Variants in USP33 observed in about 807,000 individuals in gnomAD.
USP33 encodes ubiquitin carboxyl-terminal hydrolase 33.
In USP33, 46 loss-of-function variants were observed where a neutral mutation model predicts 124.2. That is an observed-to-expected ratio of 0.37 (90% CI 0.29 to 0.47). The LOEUF is 0.47. USP33 is among the 20% of genes least tolerant of loss of function. The probability of loss-of-function intolerance (pLI) is 0.99; values close to 1 mark genes in which losing one functional copy is unlikely to be tolerated. For missense variants in USP33, 851 were observed against 1,070.6 expected (o/e 0.79, Z 2.86); for synonymous variants, 350 against 352.3 (o/e 0.99, Z 0.07).
intron 1 of USP33, among the ~76,000 whole-genome samples, chr1:77,747,331 T>G (rs1257057380): frequency 1.3e-5 from 2 of 149,746 alleles, no homozygotes; most frequent in Non-Finnish European, 3.0e-5. Context: ...CATAGCTCAC[T>G]GCAACCTCCA....
chr1:77,751,584 G>C (rs2101607128), intron 1 of USP33, among the ~76,000 whole-genome samples: 1 of 152,264 alleles, frequency 6.6e-6, no homozygotes, highest in South Asian at 2.1e-4. Flanking sequence ...CTGAGCCCAG[G>C]AGGCAGAAGT....
chr1:77,753,376 C>T (rs1680518893), intron 1 of USP33, among the ~76,000 whole-genome samples: 1 of 151,988 alleles, frequency 6.6e-6, no homozygotes, highest in Non-Finnish European at 1.5e-5. Flanking sequence ...TCGCTTGAGG[C>T]CAAGAGTTCA....
rs1385333989 is a variant in USP33 at position 77,701,457 on chromosome 1, G to A, written c.2421C>T (p.Phe807=). 6.2e-7 allele frequency: 1 copy of A among 1,611,614 alleles called. No individual in the cohort carries two copies. Among genetic ancestry groups the A allele is most frequent in the African/African-American group, 1.3e-5 (1 of 74,634 alleles). Residue 807 remains phenylalanine, a synonymous_variant, in exon 22 of 24, where the codon TTC becomes TTT. Coordinates refer to ENST00000370794, the MANE Select transcript of USP33 (RefSeq NM_201624.3). ...LEIFIRLNRA[F]QKEDSPATFY... ...AAGTAGCTGGAGAGTCCTCTTTTTG[G>A]AACGCTCTGTTAAGCTACAAGGGGG...
intron 2 of USP33, 53 bp from the exon 3 acceptor site, chr1:77,741,482 C>A (rs1679109333): frequency 1.3e-6 from 2 of 1,566,300 alleles, no homozygotes; most frequent in East Asian, 2.2e-5. Flanking sequence ...CAAACACATA[C>A]AATTCACTAA....
At chr1:77,704,925 A>C (rs764392142) in intron 21 of USP33, among the ~76,000 whole-genome samples, 2 of 152,144 alleles carry the variant, frequency 1.3e-5, no homozygotes, top group African/African-American at 2.4e-5. Context: ...GCAGAATGCT[A>C]AGGTCATCAT....
intron 17 of USP33, among the ~76,000 whole-genome samples, 169 bp from the exon 18 acceptor site, chr1:77,716,037 C>T (rs536493746): frequency 1.5e-4 from 23 of 151,994 alleles, no homozygotes; most frequent in Non-Finnish European, 2.4e-4. Context: ...CATCACCTGA[C>T]GACAGAACAT....
chr1:77,706,872 C>T (rs923992394), intron 21 of USP33, among the ~76,000 whole-genome samples: 2 of 152,142 alleles, frequency 1.3e-5, no homozygotes, highest in African/African-American at 4.8e-5. Flanking sequence ...CATATTCACA[C>T]AAGTTTTGCT....
rs754528202 is a variant in USP33, at chr1:77,721,198, A to G, written c.1665T>C (p.Asn555=). 1.2e-6 allele frequency: 2 copies of G among 1,613,930 alleles called. No individual in the cohort carries two copies. The highest frequency in any genetic ancestry group is 2.2e-5 in the South Asian group (2 of 91,052). The change falls in exon 15 of 24, where the codon AAT becomes AAC. Residue 555 remains asparagine (N), a synonymous_variant. Coordinates refer to ENST00000370794, the MANE Select transcript of USP33 (RefSeq NM_201624.3). ...TTTTGCATTTTTCACAACTGTACAT[A>G]TTGTCACCTGCAAATAAAACAGATC... is the stretch of plus-strand genomic sequence containing the variant. ...FFARDELKGD[N]MYSCEKCKKL... is the part of the protein sequence containing the mutation.
Position 77,739,398 on chromosome 1 carries a change from G to C in USP33, c.218C>G (p.Thr73Ser). 6.2e-7 allele frequency: 1 copy of C among 1,609,750 alleles called. No individual in the cohort carries two copies. The highest frequency in any genetic ancestry group is 8.5e-7 in the Non-Finnish European group (1 of 1,178,320). Residue 73 changes from threonine (T) to serine (S), a missense_variant, in exon 5 of 24, where the codon ACT becomes AGT. This residue lies in a region of USP33 where 221 missense variants were observed against 302.9 expected (regional missense o/e 0.73). Coordinates refer to ENST00000370794, the MANE Select transcript of USP33 (RefSeq NM_201624.3). Reference sequence around the variant, plus strand: ...TACTCGAAGAGTGGTAAGGTTCACAGTTAGATAATGCTTTGTCTCCTATAT... The same window carrying C: ...TACTCGAAGAGTGGTAAGGTTCACACTTAGATAATGCTTTGTCTCCTATAT... ...IHSQETKHYLTVNLTTLRVWC... is the reference protein window; with the variant it reads ...IHSQETKHYLSVNLTTLRVWC...
chr1:77,746,614 G>A (rs1166900194), intron 1 of USP33: 5 of 152,066 alleles, frequency 3.3e-5, no homozygotes, highest in Admixed American at 6.6e-5. Context: ...GATGAACATC[G>A]ATGCAAAAAT....
intron 1 of USP33, among the ~76,000 whole-genome samples, chr1:77,754,838 C>G (rs1202219846): frequency 6.6e-6 from 1 of 152,214 alleles, no homozygotes; most frequent in Non-Finnish European, 1.5e-5. Flanking sequence ...AACATTACCA[C>G]TATTAATAAT....
At chr1:77,737,056 A>C (rs11162380) in intron 5 of USP33, among the ~76,000 whole-genome samples, 55,988 of 151,680 alleles carry the variant, frequency 0.37, 11,873 homozygotes, top group African/African-American at 0.57. Context: ...AAAAAAACGA[A>C]AAAAACTTTG....
intron 12 of USP33, 101 bp from the exon 13 acceptor site, chr1:77,722,297 G>C: frequency 6.6e-6 from 7 of 1,056,866 alleles, no homozygotes; most frequent in Non-Finnish European, 6.2e-6. Flanking sequence ...GTTTAAATAA[G>C]CAAAAAAAAC....
rs535270186 is a variant in USP33, at chr1:77,759,444, A to C, written c.-52+199T>G. ...ACCGACCGTTGACAGGGCGACCACT[A>C]GATTATCTCTGCAACGCAGAGCACC... On this transcript the variant is annotated intron_variant, in intron 1 of 23. Transcript: ENST00000370794. 35 of 395,184 alleles carry C rather than the reference A, an allele frequency of 8.9e-5. No homozygotes were observed. In the South Asian group the frequency reaches 2.1e-3, roughly 24 times the overall value. 24.5% of individuals were successfully genotyped at this position (395,184 alleles called of 1,614,324 possible).
chr1:77,714,561 A>T (rs1358821615), intron 19 of USP33, 53 bp downstream of exon 19: 1 of 1,561,890 alleles, frequency 6.4e-7, no homozygotes, highest in Non-Finnish European at 8.6e-7. Flanking sequence ...CCTAATTTGC[A>T]AATTATTTTA....
At chr1:77,723,558 G>GC in intron 11 of USP33, 115 bp from the exon 12 acceptor site, 1 of 657,138 alleles carries the variant, frequency 1.5e-6, no homozygotes, top group South Asian at 2.1e-5. Context: ...TCCTTAAACT[G>GC]TAAAAATTAC....
intron 1 of USP33, 163 bp downstream of exon 1, chr1:77,759,480 G>A (rs1681122358): frequency 2.5e-6 from 1 of 396,600 alleles, no homozygotes; most frequent in Admixed American, 4.4e-5. Flanking sequence ...GAGGGGCCAA[G>A]GCCTTCTTCC....
At chr1:77,749,054 T>C (rs949316571) in intron 1 of USP33, among the ~76,000 whole-genome samples, 1 of 152,226 alleles carries the variant, frequency 6.6e-6, no homozygotes, top group East Asian at 1.9e-4. Context: ...ATTTTACTCA[T>C]TGACATTTTG....
chr1:77,715,886 G>C lies in USP33; in HGVS notation c.1919-18C>G, dbSNP rs778964794. The C allele has an allele frequency of 3.1e-6, 5 of 1,607,746 alleles. No individual in the cohort carries two copies. The East Asian group carries it at 6.7e-5, about 22-fold the overall frequency. ...GTGTCCACCTGAATTTGAGGGAAAAGAAATCATTACAGTAATACAAAAACA... is the reference window on the plus strand; with the variant it reads ...GTGTCCACCTGAATTTGAGGGAAAACAAATCATTACAGTAATACAAAAACA... On this transcript the variant is annotated intron_variant, in intron 17 of 23. Coordinates refer to ENST00000370794, the MANE Select transcript of USP33 (RefSeq NM_201624.3).
Sources: gnomAD v4.1 joint callset for allele counts (sites outside exome capture counted in the v4.1 genomes callset) on GRCh38, gnomAD v4.1.1 for gene constraint, gnomAD v4.1.1 regional missense constraint, MANE v1.5 for transcripts, NCBI Gene and HGNC (gene_info 2026-07-23, HGNC 2026-07-21) for gene names.